CFAP54: variants seen among roughly 807,000 people sequenced by gnomAD.
CFAP54 encodes cilia and flagella associated protein 54.
CFAP54 carries 290 observed loss-of-function variants against 370.4 expected under a neutral mutation model. The ratio of observed to expected loss-of-function variants is 0.78; its 90% CI spans 0.71 to 0.86. The LOEUF (loss-of-function observed/expected upper bound fraction) is 0.86, where lower values mean the gene tolerates loss of function less well. Ranked by LOEUF, CFAP54 falls within the 40% of genes least tolerant of loss-of-function variation. CFAP54 has a pLI of 0.00. For missense variants in CFAP54, 3,399 were observed against 3,528.7 expected, an observed-to-expected ratio of 0.96 and a Z score of 0.93; for synonymous variants, 1,206 against 1,236.5, an observed-to-expected ratio of 0.98 and a Z score of 0.52.
chr12:96,644,205 A>G lies in CFAP54; in HGVS notation c.4344A>G (p.Ala1448=). 1 of 1,535,746 alleles carries G rather than the reference A, an allele frequency of 6.5e-7. No individual in the cohort carries two copies. Among genetic ancestry groups the G allele is most frequent in the Non-Finnish European group, 8.7e-7 (1 of 1,146,630 alleles). ...ERNRRTSVRK[A]AQRYLMDYLN... is the part of the protein sequence containing the mutation. ...ATAGGAGAACCAGTGTTAGGAAAGCAGCACAACGATACCTGATGGATTACT... is the reference window on the plus strand; with the variant it reads ...ATAGGAGAACCAGTGTTAGGAAAGCGGCACAACGATACCTGATGGATTACT... Residue 1448 remains alanine (A), a synonymous_variant, in exon 33 of 68, where the codon GCA becomes GCG. Transcript: ENST00000524981.
intron 27 of CFAP54, among the ~76,000 whole-genome samples, chr12:96,622,427 C>T (rs569327339): frequency 5.3e-5 from 8 of 149,688 alleles, no homozygotes; most frequent in African/African-American, 2.0e-4. Flanking sequence ...CTTGCCTCAC[C>T]GTAGCCTCCA....
At chr12:96,723,716 T>C (rs1957788560) in intron 50 of CFAP54, among the ~76,000 whole-genome samples, 2 of 151,676 alleles carry the variant, frequency 1.3e-5, no homozygotes, top group South Asian at 4.2e-4. Context: ...TTAGGGTACA[T>C]GTGCACAGTG....
chr12:96,797,246 A>G (rs2136708233), intron 63 of CFAP54, among the ~76,000 whole-genome samples: 1 of 151,976 alleles, frequency 6.6e-6, no homozygotes, highest in East Asian at 1.9e-4. Flanking sequence ...TTTCACCAGG[A>G]AAGTGTTAAT....
chr12:96,606,854 G>A (rs1592878242), intron 26 of CFAP54, among the ~76,000 whole-genome samples: 1 of 152,172 alleles, frequency 6.6e-6, no homozygotes, highest in African/African-American at 2.4e-5. Flanking sequence ...TTCCTCAAAG[G>A]CTTTCATTGA....
intron 5 of CFAP54, among the ~76,000 whole-genome samples, chr12:96,515,010 CT>C (rs34667780): frequency 0.1 from 13,961 of 138,274 alleles, 969 homozygotes; most frequent in East Asian, 0.44. Flanking sequence ...GAGTATAGTT[CT>C]TTTTTTTTTT....
At chr12:96,856,905 A>G (rs1959719880) in intron 66 of CFAP54, among the ~76,000 whole-genome samples, 2 of 152,224 alleles carry the variant, frequency 1.3e-5, no homozygotes, top group Admixed American at 1.3e-4. Flanking sequence ...GCTAATAAAG[A>G]CATACCTGAT....
intron 38 of CFAP54, among the ~76,000 whole-genome samples, 156 bp downstream of exon 38, chr12:96,658,502 G>C (rs750877992): frequency 1.3e-5 from 2 of 152,118 alleles, no homozygotes; most frequent in Non-Finnish European, 2.9e-5. Context: ...ACATTATTGA[G>C]AGCCTGCAGT....
chr12:96,759,102 A>G (rs10860091), intron 58 of CFAP54, among the ~76,000 whole-genome samples: 55,266 of 151,926 alleles, frequency 0.36, 10,814 homozygotes, highest in East Asian at 0.58. Flanking sequence ...TTTTGAGACA[A>G]CATAAACATG....
At chr12:96,702,099 C>T (rs1199680064) in intron 46 of CFAP54, among the ~76,000 whole-genome samples, 1 of 152,004 alleles carries the variant, frequency 6.6e-6, no homozygotes, top group Admixed American at 6.6e-5. Context: ...GCTGCATTTG[C>T]TGATAATCGT....
Position 96,592,612 on chromosome 12 carries a change from G to A in CFAP54, c.3335G>A (p.Gly1112Asp). 1.7e-6 allele frequency: 2 copies of A among 1,204,780 alleles called. No homozygotes were observed. Among genetic ancestry groups the A allele is most frequent in the South Asian group, 3.6e-5 (2 of 56,258 alleles). 74.6% of individuals were successfully genotyped at this position (1,204,780 alleles called of 1,614,324 possible). ...EENLFCDNIK[G>D]NEIFPSQQIA... ...AATCTTTTCTGTGATAATATTAAAG[G>A]CAATGAGATTTTCCCATCTCAACAA... Residue 1112 changes from glycine to aspartate, a missense_variant, in exon 24 of 68, where the codon GGC becomes GAC. Physicochemically the swap from Gly to Asp is moderately conservative, Grantham distance 94. Coordinates refer to ENST00000524981, the MANE Select transcript of CFAP54 (RefSeq NM_001306084.2).
At chr12:96,535,051 TG>T (rs67186345) in intron 11 of CFAP54, among the ~76,000 whole-genome samples, 22 of 146,472 alleles carry the variant, frequency 1.5e-4, no homozygotes, top group African/African-American at 5.8e-4. Flanking sequence ...TGTGTGTGTG[TG>T]TTTATTTATT....
rs1294680705 is a variant in CFAP54, at chr12:96,715,531, C to T, written c.6725-2912C>T. Among the ~76,000 whole-genome samples, 5 of 152,154 alleles carry T rather than the reference C, an allele frequency of 3.3e-5. No homozygotes were observed. The East Asian group carries it at 7.7e-4, about 24-fold the overall frequency. On this transcript the variant is annotated intron_variant, in intron 48 of 67. Transcript: ENST00000524981. Reference sequence around the variant, plus strand: ...TGGTACTGTCAATGGATTATGGGTTCTAGAAGGGGTGAAGTATTGCTGGAT... The same window carrying T: ...TGGTACTGTCAATGGATTATGGGTTTTAGAAGGGGTGAAGTATTGCTGGAT...
chr12:96,745,124 A>G (rs1958099117), intron 55 of CFAP54, among the ~76,000 whole-genome samples: 2 of 152,124 alleles, frequency 1.3e-5, no homozygotes, highest in South Asian at 2.1e-4. Context: ...TGTCTTCTCT[A>G]TTGTGAATAG....
At chr12:96,762,043 C>T (rs903141177) in intron 58 of CFAP54, among the ~76,000 whole-genome samples, 1 of 152,046 alleles carries the variant, frequency 6.6e-6, no homozygotes, top group African/African-American at 2.4e-5. Flanking sequence ...TTTTTGTTGC[C>T]ATCTTAACAA....
intron 58 of CFAP54, among the ~76,000 whole-genome samples, chr12:96,761,484 G>A (rs77915083): frequency 3.3e-5 from 5 of 151,788 alleles, no homozygotes; most frequent in Admixed American, 3.3e-4. Context: ...AAATTTTAAT[G>A]AAGTCCAAAT....
intron 11 of CFAP54, among the ~76,000 whole-genome samples, chr12:96,534,527 C>T (rs1035132056): frequency 6.6e-6 from 1 of 152,094 alleles, no homozygotes; most frequent in Non-Finnish European, 1.5e-5. Flanking sequence ...TACTTTCCGG[C>T]TTAGTTGGAT....
At chr12:96,696,819 C>T (rs1028314589) in intron 45 of CFAP54, among the ~76,000 whole-genome samples, 1 of 152,056 alleles carries the variant, frequency 6.6e-6, no homozygotes, top group African/African-American at 2.4e-5. Context: ...GGAATGACAG[C>T]CTGTGTGAGC....
intron 17 of CFAP54, among the ~76,000 whole-genome samples, chr12:96,557,726 A>G (rs951763340): frequency 6.6e-6 from 1 of 152,058 alleles, no homozygotes; most frequent in Non-Finnish European, 1.5e-5. Flanking sequence ...ATGAAAGACT[A>G]CATTCAGTAG....
chr12:96,576,658 G>C lies in CFAP54; in HGVS notation c.2693G>C (p.Ser898Thr), dbSNP rs1332538708. ...ALYSYQKYLE[S>T]SKRKKSRVPP... is the part of the protein sequence containing the mutation. ...TATTCCTATCAGAAATATTTGGAAAGTTCAAAAAGAAAGAAAAGCAGAGTC... is the reference window on the plus strand; with the variant it reads ...TATTCCTATCAGAAATATTTGGAAACTTCAAAAAGAAAGAAAAGCAGAGTC... The change falls in exon 20 of 68, where the codon AGT (serine) becomes ACT (threonine). Residue 898 changes from serine (S) to threonine (T), a missense_variant. This residue lies in a region of CFAP54 where 2,796 missense variants were observed against 2,869.7 expected (regional missense o/e 0.97). Transcript: ENST00000524981. 2.0e-6 allele frequency: 3 copies of C among 1,535,404 alleles called. No individual in the cohort carries two copies. Among genetic ancestry groups the C allele is most frequent in the Non-Finnish European group, 2.6e-6 (3 of 1,146,504 alleles).
Sources: allele counts gnomAD v4.1 joint callset (sites outside exome capture counted in the v4.1 genomes callset), GRCh38; gene constraint gnomAD v4.1.1; regional missense constraint gnomAD v4.1.1; transcripts MANE v1.5; gene names NCBI Gene and HGNC (gene_info 2026-07-23, HGNC 2026-07-21).